The following KCNH8 variants were observed in gnomAD, a reference collection of about 807,000 sequenced individuals.
KCNH8 encodes potassium voltage-gated channel subfamily H member 8.
In KCNH8, 70 loss-of-function variants were observed where a neutral mutation model predicts 103.6. The ratio of observed to expected loss-of-function variants is 0.68; its 90% CI spans 0.56 to 0.82. The LOEUF (loss-of-function observed/expected upper bound fraction) is 0.82. KCNH8 is among the 40% of genes least tolerant of loss of function. The pLI is 0.00. For synonymous variants in KCNH8, 498 were observed against 489.4 expected (o/e 1.02, Z -0.23); for missense variants, 1,217 against 1,329.9 (o/e 0.92, Z 1.32).
chr3:19,260,498 A>G (rs2064417771), intron 2 of KCNH8, among the ~76,000 whole-genome samples: 1 of 96,942 alleles, frequency 1.0e-5, no homozygotes, highest in African/African-American at 5.5e-5. Context: ...ATATATATAT[A>G]TATATATATA....
chr3:19,155,663 A>G (rs1289799967), intron 1 of KCNH8, among the ~76,000 whole-genome samples: 2 of 151,964 alleles, frequency 1.3e-5, no homozygotes, highest in Non-Finnish European at 2.9e-5. Context: ...CTGCTCTTTC[A>G]TGGTTTTGGG....
chr3:19,472,093 A>T (rs933501666), intron 11 of KCNH8, among the ~76,000 whole-genome samples: 3 of 152,080 alleles, frequency 2.0e-5, no homozygotes, highest in African/African-American at 7.2e-5. Flanking sequence ...CCTTGAGAAC[A>T]GTTACTGTAT....
intron 3 of KCNH8, among the ~76,000 whole-genome samples, chr3:19,322,215 A>C (rs528892091): frequency 1.6e-4 from 24 of 152,228 alleles, no homozygotes; most frequent in Non-Finnish European, 2.2e-4. Context: ...GTGAGGTACT[A>C]TTCTATTCAT....
chr3:19,381,611 A>G (rs2066289178), intron 5 of KCNH8, among the ~76,000 whole-genome samples: 2 of 152,144 alleles, frequency 1.3e-5, no homozygotes, highest in Admixed American at 6.5e-5. Context: ...AAACCAGTAT[A>G]TAAATGTGCA....
At chr3:19,327,285 TTTAC>T (rs1370535438) in intron 3 of KCNH8, among the ~76,000 whole-genome samples, 2 of 152,132 alleles carry the variant, frequency 1.3e-5, no homozygotes, top group Admixed American at 6.6e-5. Context: ...GCTGGCCATA[TTTAC>T]TTACTTAGTT....
At chr3:19,342,809 C>T in intron 4 of KCNH8, 95 bp downstream of exon 4, 1 of 1,253,270 alleles carries the variant, frequency 8.0e-7, no homozygotes, top group Non-Finnish European at 1.1e-6. Flanking sequence ...CATTTATTGG[C>T]TTGCCTAGAT....
chr3:19,202,536 G>A (rs1402690677), intron 1 of KCNH8, among the ~76,000 whole-genome samples: 3 of 152,076 alleles, frequency 2.0e-5, no homozygotes, highest in Non-Finnish European at 4.4e-5. Context: ...GCTGAGAACA[G>A]CTAACTCCTG....
chr3:19,423,959 T>G (rs1261299058), intron 7 of KCNH8, among the ~76,000 whole-genome samples: 1 of 152,134 alleles, frequency 6.6e-6, no homozygotes, highest in Non-Finnish European at 1.5e-5. Flanking sequence ...TTTTTGATTT[T>G]TTAATTATGG....
At chr3:19,336,937 A>G (rs2065592717) in intron 3 of KCNH8, among the ~76,000 whole-genome samples, 1 of 152,016 alleles carries the variant, frequency 6.6e-6, no homozygotes, top group African/African-American at 2.4e-5. Flanking sequence ...ATTTCAGCGT[A>G]TGACCTTTTT....
chr3:19,518,353 G>T (rs138249898), intron 15 of KCNH8, among the ~76,000 whole-genome samples: 1 of 152,136 alleles, frequency 6.6e-6, no homozygotes, highest in African/African-American at 2.4e-5. Flanking sequence ...CAATCATTTA[G>T]CATGAAGTGT....
Position 19,191,484 on chromosome 3 carries a change from A to T in KCNH8, c.76+42689A>T, listed in dbSNP as rs113796014. ...TTCTTATCAGTTTAAGAATTAACTA[A>T]TGGGCAGATTTTGTTTATTTGTATG... On this transcript the variant is annotated intron_variant, in intron 1 of 15. Coordinates refer to ENST00000328405, the MANE Select transcript of KCNH8 (RefSeq NM_144633.3). 2.5e-3 allele frequency among the ~76,000 whole-genome samples: 383 copies of T among 152,010 alleles called. 4 individuals are homozygous for T. Among genetic ancestry groups the T allele is most frequent in the African/African-American group, 8.4e-3 (348 of 41,556 alleles).
intron 1 of KCNH8, among the ~76,000 whole-genome samples, chr3:19,224,999 A>G (rs1239049876): frequency 6.6e-6 from 1 of 152,116 alleles, no homozygotes; most frequent in Non-Finnish European, 1.5e-5. Context: ...GGCAACCGTG[A>G]TGAAGACTGA....
intron 11 of KCNH8, among the ~76,000 whole-genome samples, chr3:19,465,193 C>T (rs2067710773): frequency 6.6e-6 from 1 of 152,126 alleles, no homozygotes; most frequent in Non-Finnish European, 1.5e-5. Flanking sequence ...CTTCAAAGGA[C>T]AGACTGATTC....
At chr3:19,498,389 T>C (rs80146706) in intron 11 of KCNH8, among the ~76,000 whole-genome samples, 8,597 of 152,250 alleles carry the variant, frequency 0.056, 255 homozygotes, top group South Asian at 0.081. Flanking sequence ...TTGTTTGTTT[T>C]TCTTTCCATG....
intron 1 of KCNH8, among the ~76,000 whole-genome samples, chr3:19,161,362 A>C (rs1397036740): frequency 6.6e-6 from 1 of 152,084 alleles, no homozygotes; most frequent in Admixed American, 6.6e-5. Flanking sequence ...TGATGTTGCA[A>C]TTTATTCCTT....
chr3:19,377,449 C>T lies in KCNH8; in HGVS notation c.812-13032C>T, dbSNP rs183720849. Reference sequence around the variant, plus strand: ...GGTGGTTATAGCCATTTAAATCAGACGTAGGGACAATTTCTTTTTATCCAA... The same window carrying T: ...GGTGGTTATAGCCATTTAAATCAGATGTAGGGACAATTTCTTTTTATCCAA... On this transcript the variant is annotated intron_variant, in intron 5 of 15. Coordinates refer to ENST00000328405, the MANE Select transcript of KCNH8 (RefSeq NM_144633.3). 1.7e-4 allele frequency among the ~76,000 whole-genome samples: 26 copies of T among 152,248 alleles called. 1 individual carries two copies. Among genetic ancestry groups the T allele is most frequent in the Middle Eastern group, 3.4e-3 (1 of 294 alleles).
intron 11 of KCNH8, among the ~76,000 whole-genome samples, chr3:19,493,676 C>G (rs952996444): frequency 6.6e-6 from 1 of 152,066 alleles, no homozygotes; most frequent in African/African-American, 2.4e-5. Flanking sequence ...TTCCAGTTTT[C>G]AAGGGGAAGG....
intron 1 of KCNH8, among the ~76,000 whole-genome samples, chr3:19,149,489 C>T (rs1366991857): frequency 6.6e-6 from 1 of 151,222 alleles, no homozygotes; most frequent in Non-Finnish European, 1.5e-5. Context: ...GGACATTTAG[C>T]TCATTTAAGC....
At chr3:19,356,295 T>A (rs557647756) in intron 5 of KCNH8, among the ~76,000 whole-genome samples, 1 of 152,010 alleles carries the variant, frequency 6.6e-6, no homozygotes, top group Non-Finnish European at 1.5e-5. Context: ...TAATCCAGCA[T>A]CTCTCAAATT....
Sources: gnomAD v4.1 joint callset for allele counts (sites outside exome capture counted in the v4.1 genomes callset) on GRCh38, gnomAD v4.1.1 for gene constraint, MANE v1.5 for transcripts, NCBI Gene and HGNC (gene_info 2026-07-23, HGNC 2026-07-21) for gene names.